The following CLYBL variants were observed in gnomAD, a reference collection of about 807,000 sequenced individuals.
CLYBL encodes the protein citramalyl-CoA lyase, also known as citramalyl-CoA lyase, mitochondrial.
A neutral mutation model predicts 38.9 loss-of-function variants in CLYBL; 31 were observed. The ratio of observed to expected loss-of-function variants is 0.80; its 90% CI spans 0.60 to 1.08. CLYBL has a LOEUF of 1.08. Ranked by LOEUF, CLYBL falls within the 50% of genes least tolerant of loss-of-function variation. The pLI, the probability that CLYBL is intolerant of heterozygous loss-of-function variation, is 0.00. For synonymous variants in CLYBL, 171 were observed against 158.6 expected (o/e 1.08, Z -0.59); for missense variants, 434 against 411.6 (o/e 1.05, Z -0.47).
intron 2 of CLYBL, among the ~76,000 whole-genome samples, chr13:99,835,079 C>T (rs1404010100): frequency 6.6e-6 from 1 of 152,178 alleles, no homozygotes; most frequent in Non-Finnish European, 1.5e-5. Context: ...AAGCCCAGAG[C>T]CTGTCTCTCT....
intron 2 of CLYBL, among the ~76,000 whole-genome samples, chr13:99,854,566 T>A (rs1334142620): frequency 6.6e-6 from 1 of 152,080 alleles, no homozygotes; most frequent in Non-Finnish European, 1.5e-5. Context: ...GGCGAGACTG[T>A]GCCGCCCTGC....
At position 99,643,983 on chromosome 13, in the gene CLYBL, C is replaced by T. The variant is rs146912153; in HGVS notation, c.62+37226C>T. ...CTGCGCCATTGCACTCCAGCCTGGG[C>T]GACAGAACAAGACTCTGTCTCAAAA... On this transcript the variant is annotated intron_variant, in intron 1 of 8. Coordinates refer to ENST00000339105, the MANE Select transcript of CLYBL (RefSeq NM_206808.5). 2.5e-3 allele frequency among the ~76,000 whole-genome samples: 311 copies of T among 123,644 alleles called. 2 individuals carry two copies. The highest frequency in any genetic ancestry group is 9.6e-3 in the African/African-American group (299 of 31,298). The allele number at this position is 123,644 out of a possible 152,430, so 81.1% of individuals were successfully genotyped here.
intron 1 of CLYBL, among the ~76,000 whole-genome samples, chr13:99,687,041 G>A (rs1167427410): frequency 6.6e-6 from 1 of 152,158 alleles, no homozygotes; most frequent in African/African-American, 2.4e-5. Flanking sequence ...GAGCTCCGGG[G>A]CTACACCTGC....
chr13:99,853,966 T>C (rs1260632186), intron 2 of CLYBL, among the ~76,000 whole-genome samples: 3 of 152,194 alleles, frequency 2.0e-5, no homozygotes, highest in Non-Finnish European at 4.4e-5. Context: ...ACACATTAGA[T>C]GAAATGAAAA....
intron 2 of CLYBL, among the ~76,000 whole-genome samples, chr13:99,804,273 T>C (rs928963631): frequency 3.9e-5 from 6 of 152,236 alleles, no homozygotes; most frequent in African/African-American, 7.2e-5. Flanking sequence ...CCCCAAGGGC[T>C]CTTGCAAAGA....
At chr13:99,902,229 A>C (rs1249310068) in intron 8 of CLYBL, among the ~76,000 whole-genome samples, 1 of 152,230 alleles carries the variant, frequency 6.6e-6, no homozygotes, top group Non-Finnish European at 1.5e-5. Flanking sequence ...ACAAATGATT[A>C]GTATAAAAAC....
intron 1 of CLYBL, among the ~76,000 whole-genome samples, chr13:99,635,872 TA>T (rs58493963): frequency 0.013 from 2,043 of 152,328 alleles, 48 homozygotes; most frequent in African/African-American, 0.046. Context: ...ACAGATGGAC[TA>T]AAGATAATAT....
chr13:99,768,126 T>C (rs955411449), intron 1 of CLYBL, among the ~76,000 whole-genome samples: 1 of 151,966 alleles, frequency 6.6e-6, no homozygotes, highest in Non-Finnish European at 1.5e-5. Flanking sequence ...TTGTATACTG[T>C]GTGTATGCTG....
intron 7 of CLYBL, among the ~76,000 whole-genome samples, chr13:99,881,013 C>T (rs1488777165): frequency 1.3e-5 from 2 of 152,232 alleles, no homozygotes; most frequent in East Asian, 1.9e-4. Context: ...ATGCTGCTCC[C>T]GTCTGGCTTT....
Position 99,847,655 on chromosome 13 carries a change from A to G in CLYBL, c.250-11206A>G, listed in dbSNP as rs1157363397. On this transcript the variant is annotated intron_variant, in intron 2 of 8. Transcript: ENST00000339105. Reference sequence around the variant, plus strand: ...CTTTCAGTGCTCTGGAGAGGAGCCCACCTGAGAAACCCACGTACAGATACC... The same window carrying G: ...CTTTCAGTGCTCTGGAGAGGAGCCCGCCTGAGAAACCCACGTACAGATACC... 4.6e-5 allele frequency among the ~76,000 whole-genome samples: 7 copies of G among 152,312 alleles called. No homozygotes were observed. In the South Asian group the frequency reaches 1.5e-3, roughly 32 times the overall value.
chr13:99,685,653 G>C (rs1046328279), intron 1 of CLYBL, among the ~76,000 whole-genome samples: 1 of 152,118 alleles, frequency 6.6e-6, no homozygotes, highest in Non-Finnish European at 1.5e-5. Flanking sequence ...GGTTTGCTGA[G>C]TCCTTCTCTC....
chr13:99,882,067 T>C (rs931195451), intron 7 of CLYBL, among the ~76,000 whole-genome samples: 1 of 152,144 alleles, frequency 6.6e-6, no homozygotes, highest in African/African-American at 2.4e-5. Flanking sequence ...TCTGAAATAG[T>C]TTAGATATGC....
At chr13:99,637,761 T>C (rs2047039918) in intron 1 of CLYBL, among the ~76,000 whole-genome samples, 1 of 152,112 alleles carries the variant, frequency 6.6e-6, no homozygotes, top group South Asian at 2.1e-4. Flanking sequence ...TCATCTCAAA[T>C]AATAATAATA....
chr13:99,884,549 A>G (rs1455929099), intron 7 of CLYBL, among the ~76,000 whole-genome samples: 2 of 152,204 alleles, frequency 1.3e-5, no homozygotes, highest in Non-Finnish European at 2.9e-5. Context: ...TTTTGGAGCA[A>G]ACGTTCTAGT....
At chr13:99,899,912 C>CTATATT, downstream of CLYBL, among the ~76,000 whole-genome samples, 1 of 152,058 alleles carries the variant, frequency 6.6e-6, no homozygotes, top group South Asian at 2.1e-4. Flanking sequence ...CCATTTTCTC[C>CTATATT]TTTATTTTTA....
intron 1 of CLYBL, among the ~76,000 whole-genome samples, chr13:99,682,213 G>A (rs1436160889): frequency 6.6e-6 from 1 of 151,454 alleles, no homozygotes; most frequent in Non-Finnish European, 1.5e-5. Flanking sequence ...GCGCAGTCTC[G>A]GCTCACTGCG....
At chr13:99,684,129 C>T (rs1022202224) in intron 1 of CLYBL, among the ~76,000 whole-genome samples, 1 of 148,096 alleles carries the variant, frequency 6.8e-6, no homozygotes, top group Non-Finnish European at 1.5e-5. Flanking sequence ...ATCTGCCCAC[C>T]TCGGCCTCCC....
chr13:99,844,666 T>C (rs577442000), intron 2 of CLYBL, among the ~76,000 whole-genome samples: 9 of 152,350 alleles, frequency 5.9e-5, no homozygotes, highest in African/African-American at 2.2e-4. Context: ...TGGGGTGACC[T>C]GTGTCTCAGC....
chr13:99,776,291 T>A (rs1316280461), intron 2 of CLYBL, among the ~76,000 whole-genome samples: 2 of 151,586 alleles, frequency 1.3e-5, no homozygotes, highest in African/African-American at 4.8e-5. Context: ...GGCCAGTAGT[T>A]CAAGACCAGC....
Sources: gnomAD v4.1 joint callset for allele counts (sites outside exome capture counted in the v4.1 genomes callset) on GRCh38, gnomAD v4.1.1 for gene constraint, MANE v1.5 for transcripts, NCBI Gene and HGNC (gene_info 2026-07-23, HGNC 2026-07-21) for gene names.